Variants in CELF2 observed in about 807,000 individuals in gnomAD.
The protein encoded by CELF2 is CUG triplet repeat RNA-binding protein 2.
CELF2 carries 8 observed loss-of-function variants against 62.6 expected under a neutral mutation model. The observed-to-expected ratio is 0.13, with a 90% confidence interval of 0.07 to 0.23. The LOEUF (loss-of-function observed/expected upper bound fraction) is 0.23. Among genes scored for constraint, CELF2 ranks in the 10% least tolerant of loss-of-function variants. The probability of loss-of-function intolerance (pLI) is 1.00; values close to 1 mark genes in which losing one functional copy is unlikely to be tolerated. For missense variants in CELF2, 333 were observed against 671.0 expected, an observed-to-expected ratio of 0.50 and a Z score of 5.56; for synonymous variants, 258 against 250.0, an observed-to-expected ratio of 1.03 and a Z score of -0.30.
At chr10:10,895,535 A>C (rs1184359595) in intron 1 of CELF2, among the ~76,000 whole-genome samples, 1 of 152,190 alleles carries the variant, frequency 6.6e-6, no homozygotes, top group Non-Finnish European at 1.5e-5. Context: ...TTTTCAGCCT[A>C]TTCAGATAAT....
At chr10:10,537,507 T>G in the CELF2 span, among the ~76,000 whole-genome samples, 1 of 152,160 alleles carries the variant, frequency 6.6e-6, no homozygotes, top group Non-Finnish European at 1.5e-5. Context: ...AGTTATAAGT[T>G]AAGAAAACTG....
At chr10:10,681,301 C>G in the CELF2 span, among the ~76,000 whole-genome samples, 1 of 152,134 alleles carries the variant, frequency 6.6e-6, no homozygotes, top group African/African-American at 2.4e-5. Flanking sequence ...ATTCACCTAC[C>G]TTATTGATCA....
chr10:11,018,104 C>G lies in CELF2; in HGVS notation c.15C>G (p.Phe5Leu). The change falls in exon 1 of 13, where the codon TTC becomes TTG. Residue 5 changes from phenylalanine to leucine, a missense_variant. Physicochemically the swap from Phe to Leu is conservative, Grantham distance 22 (BLOSUM62 0). This residue lies in a region of CELF2 where 45 missense variants were observed against 39.8 expected (regional missense o/e 1.13). Coordinates refer to ENST00000633077, the MANE Select transcript of CELF2 (RefSeq NM_001326342.2). Reference protein sequence around the residue: MTSAFKLDFLPDMMV... With the variant: MTSALKLDFLPDMMV... ...CGCCCGCGAACATGACTTCTGCCTT[C>G]AAGCTGGATTTCCTCCCGGACATGA... 1 of 1,504,976 alleles carries G rather than the reference C, an allele frequency of 6.6e-7. No individual in the cohort carries two copies. Among genetic ancestry groups the G allele is most frequent in the Non-Finnish European group, 8.9e-7 (1 of 1,121,626 alleles). 93.2% of individuals were successfully genotyped at this position (1,504,976 alleles called of 1,614,324 possible).
rs1329208447 is a variant in CELF2, at chr10:11,302,293, G to A, written c.977-11846G>A. On this transcript the variant is annotated intron_variant, in intron 9 of 12. Coordinates refer to ENST00000633077, the MANE Select transcript of CELF2 (RefSeq NM_001326342.2). The surrounding 1 kb of genome is among the most constrained non-coding windows in gnomAD (Gnocchi z 5.0). ...TGATGGAATTTGACAGCACCGCATC[G>A]GATAGTCCTGACACACGTGGTTCTC... Among the ~76,000 whole-genome samples the A allele has an allele frequency of 2.0e-5, 3 of 152,146 alleles. No individual in the cohort carries two copies. Among genetic ancestry groups the A allele is most frequent in the African/African-American group, 7.2e-5 (3 of 41,420 alleles).
the CELF2 span, among the ~76,000 whole-genome samples, chr10:10,566,998 A>G: frequency 1.3e-5 from 2 of 152,204 alleles, no homozygotes; most frequent in Non-Finnish European, 2.9e-5. Flanking sequence ...GCATAAATAT[A>G]CATATTGAAG....
chr10:10,478,926 A>G, the CELF2 span, among the ~76,000 whole-genome samples: 1 of 152,202 alleles, frequency 6.6e-6, no homozygotes, highest in Admixed American at 6.5e-5. Context: ...TTGGTTTGGT[A>G]TGGCTTGGTA....
chr10:11,112,899 C>T (rs555959496), intron 1 of CELF2, among the ~76,000 whole-genome samples: 8 of 151,942 alleles, frequency 5.3e-5, no homozygotes, highest in South Asian at 2.1e-4. Context: ...TTTCCACATG[C>T]GTAGCCCATG....
chr10:11,254,712 T>A (rs1047871476), intron 4 of CELF2, among the ~76,000 whole-genome samples: 1 of 152,256 alleles, frequency 6.6e-6, no homozygotes, highest in East Asian at 1.9e-4. Context: ...ATTTTTCATT[T>A]GCTTTTGTTT....
intron 1 of CELF2, among the ~76,000 whole-genome samples, chr10:10,904,662 G>A (rs1357621900): frequency 3.9e-5 from 6 of 152,160 alleles, no homozygotes; most frequent in African/African-American, 1.4e-4. Flanking sequence ...TGTTGCAGAC[G>A]TCGCTGTGAT....
chr10:10,791,690 G>A, the CELF2 span, among the ~76,000 whole-genome samples: 68 of 152,016 alleles, frequency 4.5e-4, no homozygotes, highest in African/African-American at 1.4e-3. Context: ...TTTTCTTATC[G>A]TTGGGGAATA....
chr10:10,697,411 C>A, the CELF2 span, among the ~76,000 whole-genome samples: 2 of 152,110 alleles, frequency 1.3e-5, no homozygotes, highest in Non-Finnish European at 2.9e-5. Context: ...TTGCTTAAGG[C>A]CAGTGTGCAA....
rs779426959 is a variant in CELF2 at position 11,329,952 on chromosome 10, G to T, written c.*899G>T. 1.3e-5 allele frequency: 2 copies of T among 152,538 alleles called. No individual in the cohort carries two copies. The highest frequency in any genetic ancestry group is 2.9e-5 in the Non-Finnish European group (2 of 68,024). 9.4% of individuals were successfully genotyped at this position (152,538 alleles called of 1,614,324 possible). A position where few individuals can be genotyped will look rare whatever the true frequency, so the allele number is the denominator to read the frequency against. On this transcript the variant is annotated 3_prime_UTR_variant, in exon 13 of 13. Coordinates refer to ENST00000633077, the MANE Select transcript of CELF2 (RefSeq NM_001326342.2). The surrounding 1 kb of genome is among the most constrained non-coding windows in gnomAD (Gnocchi z 5.5). ...TTTTACTGCCTCAGAAATAATGGAA[G>T]TTATTTATTGCCTATTGTTAACTTA...
intron 1 of CELF2, among the ~76,000 whole-genome samples, chr10:11,128,586 C>T (rs974640630): frequency 5.9e-5 from 9 of 152,106 alleles, no homozygotes; most frequent in Admixed American, 2.6e-4. Context: ...TTGAAGAGGT[C>T]CTTCACATCC....
chr10:10,932,028 C>G (rs909912778), intron 2 of CELF2, among the ~76,000 whole-genome samples: 1 of 152,138 alleles, frequency 6.6e-6, no homozygotes, highest in African/African-American at 2.4e-5. Context: ...TCCATTACCT[C>G]CCACCAGGCC....
At chr10:10,870,361 A>T (rs2060661379) in intron 1 of CELF2, among the ~76,000 whole-genome samples, 1 of 152,156 alleles carries the variant, frequency 6.6e-6, no homozygotes, top group African/African-American at 2.4e-5. Context: ...TCTTCTCAAT[A>T]ATTATACCTT....
Position 10,866,607 on chromosome 10 carries a change from CAAAAAAAA to C in CELF2, c.54-53339_54-53332del, listed in dbSNP as rs55875778. Among the ~76,000 whole-genome samples the C allele has an allele frequency of 1.1e-3, 58 of 52,514 alleles. No homozygotes were observed. The South Asian group carries it at 0.039, about 35-fold the overall frequency. The allele number at this position is 52,514 out of a possible 152,430, so 34.5% of individuals were successfully genotyped here. A position where few individuals can be genotyped will look rare whatever the true frequency, so the allele number is the denominator to read the frequency against. On this transcript the variant is annotated intron_variant, in intron 1 of 13. Transcript: ENST00000636488. ...GTGACAGAGCAAGACTCCATCCTCT[CAAAAAAAA>C]AAAAAAAAAAAAAAAAATCCAACAA...
rs2074926082 is a variant in CELF2, at chr10:11,244,260, G to T, written c.355-4893G>T. Among the ~76,000 whole-genome samples, 1 of 152,232 alleles carries T rather than the reference G, an allele frequency of 6.6e-6. No individual in the cohort carries two copies. The highest frequency in any genetic ancestry group is 1.9e-4 in the East Asian group (1 of 5,194). On this transcript the variant is annotated intron_variant, in intron 3 of 12. Coordinates refer to ENST00000633077, the MANE Select transcript of CELF2 (RefSeq NM_001326342.2). The surrounding 1 kb of genome is among the most constrained non-coding windows in gnomAD (Gnocchi z 4.2). ...ATTTCATTCAGGAGTGAGTAGATGG[G>T]CATTGTTTCTTTTTACTTGAAATTG...
chr10:11,128,417 G>A (rs1595810881), intron 1 of CELF2, among the ~76,000 whole-genome samples: 1 of 152,312 alleles, frequency 6.6e-6, no homozygotes, highest in East Asian at 1.9e-4. Flanking sequence ...TGTGAAGAAA[G>A]TCATTGGTAG....
chr10:10,597,667 G>T, the CELF2 span, among the ~76,000 whole-genome samples: 1 of 152,272 alleles, frequency 6.6e-6, no homozygotes, highest in African/African-American at 2.4e-5. Context: ...CCAAGTTAAT[G>T]GTAAGATTGG....
Sources: allele counts gnomAD v4.1 joint callset (sites outside exome capture counted in the v4.1 genomes callset), GRCh38; gene constraint gnomAD v4.1.1; regional missense constraint gnomAD v4.1.1; non-coding constraint Gnocchi (gnomAD v3.1); transcripts MANE v1.5; gene names NCBI Gene and HGNC (gene_info 2026-07-23, HGNC 2026-07-21).